The following NCKAP1 variants were observed in gnomAD, a reference collection of about 807,000 sequenced individuals.
NCKAP1 encodes the protein NCK associated protein 1, also known as nck-associated protein 1.
A neutral mutation model predicts 151.2 loss-of-function variants in NCKAP1; 21 were observed. The observed-to-expected ratio is 0.14, with a 90% CI of 0.10 to 0.20. The LOEUF is 0.20. Ranked by LOEUF, NCKAP1 falls within the 10% of genes least tolerant of loss-of-function variation. The pLI is 1.00. For synonymous variants in NCKAP1, 484 were observed against 451.8 expected (o/e 1.07, Z -0.90); for missense variants, 933 against 1,352.1 (o/e 0.69, Z 4.86).
At chr2:182,972,468 G>A (rs1458144625) in intron 15 of NCKAP1, among the ~76,000 whole-genome samples, 1 of 152,150 alleles carries the variant, frequency 6.6e-6, no homozygotes, top group Non-Finnish European at 1.5e-5. Context: ...ATATACTGCA[G>A]GTGGGAATGT....
intron 6 of NCKAP1, among the ~76,000 whole-genome samples, chr2:182,996,186 T>G (rs1698264729): frequency 6.6e-6 from 1 of 152,238 alleles, no homozygotes; most frequent in Admixed American, 6.5e-5. Context: ...TCCATTCTGA[T>G]AGTTTCTGAT....
intron 2 of NCKAP1, among the ~76,000 whole-genome samples, chr2:183,009,421 G>GGGAAGGAAGGAAGGAAGGAA (rs1168445882): frequency 8.5e-5 from 7 of 82,574 alleles, no homozygotes; most frequent in Admixed American, 1.5e-4. Context: ...AAAGAGGGAA[G>GGGAAGGAAGGAAGGAAGGAA]GGAAGGAAGG....
At chr2:183,008,209 T>G (rs1031591440) in intron 2 of NCKAP1, among the ~76,000 whole-genome samples, 25 of 152,198 alleles carry the variant, frequency 1.6e-4, no homozygotes, top group Non-Finnish European at 7.3e-5. Context: ...ATAACAGGCA[T>G]GAGCCACCAC....
At chr2:182,942,750 A>C (rs1490104483) in intron 23 of NCKAP1, among the ~76,000 whole-genome samples, 2 of 152,132 alleles carry the variant, frequency 1.3e-5, no homozygotes, top group Non-Finnish European at 2.9e-5. Flanking sequence ...AAGAGATATA[A>C]ATAAGGGAAG....
At chr2:182,937,578 T>C (rs543527337) in intron 24 of NCKAP1, among the ~76,000 whole-genome samples, 10 of 152,296 alleles carry the variant, frequency 6.6e-5, no homozygotes, top group Admixed American at 3.3e-4. Context: ...ATGAGGGTGT[T>C]GTTCAGGGTT....
At chr2:182,987,277 ATC>A (rs1003545968) in intron 9 of NCKAP1, among the ~76,000 whole-genome samples, 1 of 152,022 alleles carries the variant, frequency 6.6e-6, no homozygotes, top group Non-Finnish European at 1.5e-5. Context: ...ATAAATAAAA[ATC>A]TCTTACACTA....
intron 23 of NCKAP1, among the ~76,000 whole-genome samples, chr2:182,948,363 A>G (rs1697148548): frequency 6.6e-6 from 1 of 152,086 alleles, no homozygotes; most frequent in Non-Finnish European, 1.5e-5. Flanking sequence ...ATCCTTAACC[A>G]TCTTGGTTAA....
Position 182,935,209 on chromosome 2 carries a change from T to C in NCKAP1, c.2778+84A>G, listed in dbSNP as rs1308021174. On this transcript the variant is annotated intron_variant, in intron 25 of 30. Transcript: ENST00000361354. The stretch of plus-strand genomic sequence containing the variant: ...ATTTTAATTATATCATTGCTAAGCA[T>C]GAATCTGAAACTTAACTTTAAATTT... The C allele has an allele frequency of 9.6e-6, 9 of 936,582 alleles. No individual in the cohort carries two copies. The South Asian group carries it at 9.6e-5, about 10-fold the overall frequency. 58.0% of individuals were successfully genotyped at this position (936,582 alleles called of 1,614,324 possible).
rs772169851 is a variant in NCKAP1, at chr2:183,038,145, C to T, written c.-46G>A. On this transcript the variant is annotated 5_prime_UTR_variant, in exon 1 of 31. Transcript: ENST00000361354. ...CGCCGCCGGCCGCCTCGCGCCCAGT[C>T]ACGGGCCCGCGGCCTTCGCAGCAGC... is the stretch of plus-strand genomic sequence containing the variant. 1 of 1,417,860 alleles carries T rather than the reference C, an allele frequency of 7.1e-7. No homozygotes were observed. Among genetic ancestry groups the T allele is most frequent in the Non-Finnish European group, 9.4e-7 (1 of 1,066,380 alleles). The allele number at this position is 1,417,860 out of a possible 1,614,324, so 87.8% of individuals were successfully genotyped here. A position where few individuals can be genotyped will look rare whatever the true frequency, so the allele number is the denominator to read the frequency against.
intron 16 of NCKAP1, among the ~76,000 whole-genome samples, 180 bp from the exon 17 acceptor site, chr2:182,964,988 A>C (rs1697534571): frequency 6.6e-6 from 1 of 152,196 alleles, no homozygotes; most frequent in African/African-American, 2.4e-5. Flanking sequence ...AGTAATAAAA[A>C]TATTATTTAT....
At position 182,954,679 on chromosome 2, in the gene NCKAP1, G is replaced by A. The variant is rs550626306; in HGVS notation, c.2154-1348C>T. Reference sequence around the variant, plus strand: ...CACACGCCTGTAGTCCCAGCTACTCGGGAGGCTGAGGCAGGAGAATTGCTT... The same window carrying A: ...CACACGCCTGTAGTCCCAGCTACTCAGGAGGCTGAGGCAGGAGAATTGCTT... On this transcript the variant is annotated intron_variant, in intron 20 of 30. Transcript: ENST00000361354. Among the ~76,000 whole-genome samples, 5 of 152,192 alleles carry A rather than the reference G, an allele frequency of 3.3e-5. No individual in the cohort carries two copies. The East Asian group carries it at 7.7e-4, about 23-fold the overall frequency.
At chr2:183,026,026 A>AAC (rs1698887725) in intron 1 of NCKAP1, among the ~76,000 whole-genome samples, 1 of 152,248 alleles carries the variant, frequency 6.6e-6, no homozygotes, top group Non-Finnish European at 1.5e-5. Context: ...TAAGAATGTA[A>AAC]ACATATAAAC....
At chr2:183,022,341 T>A (rs1575070024) in intron 2 of NCKAP1, among the ~76,000 whole-genome samples, 1 of 152,182 alleles carries the variant, frequency 6.6e-6, no homozygotes, top group East Asian at 1.9e-4. Context: ...TTAGAGTGAG[T>A]ATATAATCTC....
intron 1 of NCKAP1, among the ~76,000 whole-genome samples, chr2:183,037,687 G>A (rs1699130023): frequency 6.6e-6 from 1 of 152,158 alleles, no homozygotes; most frequent in South Asian, 2.1e-4. Flanking sequence ...GGGGCGCCGA[G>A]GAGGGGACAG....
Position 182,928,867 on chromosome 2 carries a change from C to A in NCKAP1, c.2986G>T (p.Ala996Ser). The A allele has an allele frequency of 6.2e-7, 1 of 1,611,072 alleles. No homozygotes were observed. The highest frequency in any genetic ancestry group is 8.5e-7 in the Non-Finnish European group (1 of 1,178,012). The change falls in exon 28 of 31, where the codon GCC becomes TCC. Residue 996 changes from alanine (A) to serine (S), a missense_variant. Ala to Ser is a moderately conservative substitution (Grantham distance 99). Coordinates refer to ENST00000361354, the MANE Select transcript of NCKAP1 (RefSeq NM_013436.5). ...GCCACAAACACCATGAGAAGGCAGG[C>A]AATTTTATACTCTTCTTCTGGACTA... ...NISPEEEYKI[A>S]CLLMVFVAVS...
Position 182,925,838 on chromosome 2 carries a change from C to T in NCKAP1, c.3271-20G>A. 7.4e-7 allele frequency: 1 copy of T among 1,355,302 alleles called. No individual in the cohort carries two copies. The highest frequency in any genetic ancestry group is 1.0e-6 in the Non-Finnish European group (1 of 994,270). The allele number at this position is 1,355,302 out of a possible 1,614,324, so 84.0% of individuals were successfully genotyped here. A position where few individuals can be genotyped will look rare whatever the true frequency, so the allele number is the denominator to read the frequency against. The stretch of plus-strand genomic sequence containing the variant: ...TACAATCTGTAAAATTCAAAAAATC[C>T]ATCAAAACAAGTTATTTATAACTTG... On this transcript the variant is annotated intron_variant, in intron 30 of 30. Transcript: ENST00000361354.
Position 182,925,440 on chromosome 2 carries a change from T to C in NCKAP1, c.*262A>G, listed in dbSNP as rs1696623528. On this transcript the variant is annotated 3_prime_UTR_variant, in exon 31 of 31. Transcript: ENST00000361354. The stretch of plus-strand genomic sequence containing the variant: ...TTCATTATCAAATATCAAAAACATG[T>C]TGATAATGTATGTTTTTCAAATAAA... 4.8e-6 allele frequency: 1 copy of C among 207,180 alleles called. No homozygotes were observed. The highest frequency in any genetic ancestry group is 2.3e-5 in the African/African-American group (1 of 43,476). The allele number at this position is 207,180 out of a possible 1,614,324, so 12.8% of individuals were successfully genotyped here. A position where few individuals can be genotyped will look rare whatever the true frequency, so the allele number is the denominator to read the frequency against.
At chr2:182,989,898 G>C (rs1486757441) in intron 8 of NCKAP1, among the ~76,000 whole-genome samples, 4 of 151,914 alleles carry the variant, frequency 2.6e-5, no homozygotes, top group African/African-American at 7.3e-5. Context: ...GCTGAGGCAG[G>C]AAAGTCGCTT....
At chr2:182,958,224 T>C (rs1012587595) in intron 18 of NCKAP1, among the ~76,000 whole-genome samples, 1 of 152,222 alleles carries the variant, frequency 6.6e-6, no homozygotes, top group Non-Finnish European at 1.5e-5. Flanking sequence ...CTCAGCTCAC[T>C]GCAACCTCTG....
Sources: gnomAD v4.1 joint callset for allele counts (sites outside exome capture counted in the v4.1 genomes callset) on GRCh38, gnomAD v4.1.1 for gene constraint, MANE v1.5 for transcripts, NCBI Gene and HGNC (gene_info 2026-07-23, HGNC 2026-07-21) for gene names.